The following ZNF638 variants were observed in gnomAD, a reference collection of about 807,000 sequenced individuals.
ZNF638 encodes CTCL tumor antigen se33-1.
In ZNF638, 46 loss-of-function variants were observed where a neutral mutation model predicts 195.6. The ratio of observed to expected loss-of-function variants is 0.24; its 90% CI spans 0.19 to 0.30. The LOEUF (loss-of-function observed/expected upper bound fraction) is 0.30. ZNF638 is among the 10% of genes least tolerant of loss of function. ZNF638 has a pLI of 1.00. For missense variants in ZNF638, 2,440 were observed against 2,325.3 expected (o/e 1.05, Z -1.01); for synonymous variants, 845 against 772.0 (o/e 1.09, Z -1.57).
chr2:71,400,258 T>TA, intron 14 of ZNF638, 78 bp downstream of exon 14: 1 of 1,202,898 alleles, frequency 8.3e-7, no homozygotes, highest in Admixed American at 2.4e-5. Flanking sequence ...TTAAGAGTAT[T>TA]ACGATTCATG....
At chr2:71,365,873 C>T (rs548902254) in intron 6 of ZNF638, among the ~76,000 whole-genome samples, 167 bp downstream of exon 6, 129 of 152,272 alleles carry the variant, frequency 8.5e-4, no homozygotes, top group Non-Finnish European at 1.2e-3. Context: ...GCGTGTGCCA[C>T]CATGCCTGGC....
intron 10 of ZNF638, among the ~76,000 whole-genome samples, chr2:71,385,932 A>G (rs894065266): frequency 6.6e-6 from 1 of 152,186 alleles, no homozygotes; most frequent in African/African-American, 2.4e-5. Context: ...GAGCACTTTG[A>G]ATAATGGACT....
intron 10 of ZNF638, among the ~76,000 whole-genome samples, chr2:71,389,623 T>G (rs2079727919): frequency 6.6e-6 from 1 of 152,180 alleles, no homozygotes; most frequent in African/African-American, 2.4e-5. Context: ...ACAATTAAGT[T>G]TTGTTCCCTA....
At chr2:71,406,077 T>C (rs998900698) in intron 18 of ZNF638, 51 bp from the exon 19 acceptor site, 1 of 1,603,996 alleles carries the variant, frequency 6.2e-7, no homozygotes, top group Middle Eastern at 1.7e-4. Context: ...TGTTTTACCG[T>C]TTGTTGCTTC....
intron 2 of ZNF638, among the ~76,000 whole-genome samples, chr2:71,352,627 C>T (rs757887335): frequency 6.6e-5 from 10 of 151,522 alleles, no homozygotes; most frequent in East Asian, 1.9e-4. Flanking sequence ...GAAATAAGTA[C>T]GAAAGGCTTT....
intron 1 of ZNF638, among the ~76,000 whole-genome samples, chr2:71,337,945 C>T (rs960480890): frequency 6.6e-6 from 1 of 152,148 alleles, no homozygotes; most frequent in African/African-American, 2.4e-5. Flanking sequence ...TTTAATAGAG[C>T]ACTTCTCATT....
intron 22 of ZNF638, 53 bp downstream of exon 22, chr2:71,424,091 C>A: frequency 6.4e-7 from 1 of 1,562,336 alleles, no homozygotes; most frequent in Non-Finnish European, 8.7e-7. Flanking sequence ...ATTAGCTCCG[C>A]TGCTGTAGCT....
intron 21 of ZNF638, among the ~76,000 whole-genome samples, chr2:71,420,849 T>C (rs2080416893): frequency 6.6e-6 from 1 of 152,208 alleles, no homozygotes; most frequent in Admixed American, 6.5e-5. Flanking sequence ...TTTTGGTAAA[T>C]GACTTCTCTA....
chr2:71,386,734 A>G (rs2079648637), intron 10 of ZNF638, among the ~76,000 whole-genome samples: 1 of 152,222 alleles, frequency 6.6e-6, no homozygotes, highest in Non-Finnish European at 1.5e-5. Context: ...TCCATTTATA[A>G]TAATAAAAAT....
chr2:71,370,332 C>G (rs1394577832), intron 8 of ZNF638, among the ~76,000 whole-genome samples: 1 of 152,160 alleles, frequency 6.6e-6, no homozygotes, highest in African/African-American at 2.4e-5. Context: ...CCAATTCTTA[C>G]ACCCTCCCTT....
At chr2:71,418,578 A>T in intron 20 of ZNF638, 24 bp from the exon 21 acceptor site, 1 of 1,512,566 alleles carries the variant, frequency 6.6e-7, no homozygotes, top group Non-Finnish European at 8.9e-7. Context: ...AATAGCCTCT[A>T]ATAAAATGCT....
At chr2:71,426,122 C>CAGTA (rs1434492526) in intron 23 of ZNF638, among the ~76,000 whole-genome samples, 1 of 152,106 alleles carries the variant, frequency 6.6e-6, no homozygotes, top group Non-Finnish European at 1.5e-5. Flanking sequence ...ACATATGGAA[C>CAGTA]AGTAAATCCT....
chr2:71,353,998 A>T (rs2078983694), intron 2 of ZNF638, among the ~76,000 whole-genome samples: 1 of 152,228 alleles, frequency 6.6e-6, no homozygotes, highest in South Asian at 2.1e-4. Context: ...CCATGGCTTA[A>T]TGAAATAGTT....
intron 18 of ZNF638, among the ~76,000 whole-genome samples, 168 bp from the exon 19 acceptor site, chr2:71,405,960 T>A (rs1401242488): frequency 6.6e-6 from 1 of 152,192 alleles, no homozygotes. Context: ...TTTTACTGAT[T>A]ACTCGTACGT....
Position 71,369,926 on chromosome 2 carries a change from T to C in ZNF638, c.2186T>C (p.Met729Thr), listed in dbSNP as rs758228031. The change falls in exon 8 of 28, where the codon ATG becomes ACG. Residue 729 changes from methionine (M) to threonine (T), a missense_variant. Transcript: ENST00000264447. ...TTTAAAGAGGCAATTACTGCAATTA[T>C]GAAGTACATTGAAACAACACCTCTT... ...MEFKEAITAI[M>T]KYIETTPLTI... 6.9e-6 allele frequency: 11 copies of C among 1,594,786 alleles called. No homozygotes were observed. Among genetic ancestry groups the C allele is most frequent in the African/African-American group, 4.1e-5 (3 of 73,816 alleles).
At chr2:71,400,033 G>C in intron 13 of ZNF638, 79 bp from the exon 14 acceptor site, 1 of 1,210,630 alleles carries the variant, frequency 8.3e-7, no homozygotes, top group Non-Finnish European at 1.1e-6. Context: ...TGTCAAACTA[G>C]CTTAAGTTCC....
In ZNF638 at chr2:71,406,177, C is replaced by T. The variant is rs779903570; in HGVS notation, c.3050C>T (p.Pro1017Leu). 5.6e-6 allele frequency: 9 copies of T among 1,613,498 alleles called. No homozygotes were observed. Among genetic ancestry groups the T allele is most frequent in the South Asian group, 2.2e-5 (2 of 91,064 alleles). Residue 1017 changes from proline to leucine, a missense_variant, in exon 19 of 28, where the codon CCG (proline) becomes CTG (leucine). Physicochemically the swap from Pro to Leu is moderately conservative, Grantham distance 98 (BLOSUM62 -3). Around this residue, in one of 5 missense-constraint regions of ZNF638, gnomAD observed 1,883 missense variants for 1,739.1 expected, o/e 1.08. Transcript: ENST00000264447. ...CGATTTGTACATCTTGATAATTTACCGGAAGATGGACTTCAGTGTGTACTT... is the reference window on the plus strand; with the variant it reads ...CGATTTGTACATCTTGATAATTTACTGGAAGATGGACTTCAGTGTGTACTT... ...YDRFVHLDNLPEDGLQCVLCV... is the reference protein window; with the variant it reads ...YDRFVHLDNLLEDGLQCVLCV...
intron 7 of ZNF638, 119 bp downstream of exon 7, chr2:71,368,647 T>C (rs1188094753): frequency 1.8e-6 from 2 of 1,098,392 alleles, no homozygotes; most frequent in Admixed American, 2.5e-5. Flanking sequence ...TTGAGAGTTA[T>C]ATAAATGTCT....
At chr2:71,361,432 G>C (rs1260774398) in intron 3 of ZNF638, among the ~76,000 whole-genome samples, 2 of 152,116 alleles carry the variant, frequency 1.3e-5, no homozygotes, top group Non-Finnish European at 2.9e-5. Context: ...GCCATTAAAT[G>C]ACAGCACCTA....
Sources: allele counts gnomAD v4.1 joint callset (sites outside exome capture counted in the v4.1 genomes callset), GRCh38; gene constraint gnomAD v4.1.1; regional missense constraint gnomAD v4.1.1; transcripts MANE v1.5; gene names NCBI Gene and HGNC (gene_info 2026-07-23, HGNC 2026-07-21).